FAM241A: variants seen among roughly 807,000 people sequenced by gnomAD.
The protein encoded by FAM241A is family with sequence similarity 241 member A.
In FAM241A, 7 loss-of-function variants were observed where a neutral mutation model predicts 12.2. The observed-to-expected ratio is 0.58, with a 90% CI of 0.33 to 1.08. The LOEUF (loss-of-function observed/expected upper bound fraction) is 1.08. Among genes scored for constraint, FAM241A ranks in the 50% least tolerant of loss-of-function variants. FAM241A has a pLI of 0.04. For synonymous variants in FAM241A, 74 were observed against 68.2 expected, an observed-to-expected ratio of 1.08 and a Z score of -0.42; for missense variants, 161 against 169.7, an observed-to-expected ratio of 0.95 and a Z score of 0.29.
At chr4:112,175,471 GA>G (rs1723800563) in intron 1 of FAM241A, among the ~76,000 whole-genome samples, 1 of 152,102 alleles carries the variant, frequency 6.6e-6, no homozygotes, top group African/African-American at 2.4e-5. Context: ...ACGTTCCCAA[GA>G]AAATGAAATG....
At position 112,195,174 on chromosome 4, in the gene FAM241A, A is replaced by G. The variant is rs1578384233; in HGVS notation, c.*8236A>G. 1 of 152,236 alleles carries G rather than the reference A, an allele frequency of 6.6e-6. No homozygotes were observed. Among genetic ancestry groups the G allele is most frequent in the Admixed American group, 6.5e-5 (1 of 15,282 alleles). The allele number at this position is 152,236 out of a possible 1,614,324, so 9.4% of individuals were successfully genotyped here. On this transcript the variant is annotated 3_prime_UTR_variant, in exon 2 of 2. Transcript: ENST00000309733. Reference sequence around the variant, plus strand: ...GGCTCCAGAAGAAATCCACTATTACAGTGTCCTAGTAGCCCAGACATATGT... The same window carrying G: ...GGCTCCAGAAGAAATCCACTATTACGGTGTCCTAGTAGCCCAGACATATGT...
intron 1 of FAM241A, among the ~76,000 whole-genome samples, chr4:112,148,702 C>G (rs922654032): frequency 6.6e-6 from 1 of 152,130 alleles, no homozygotes; most frequent in African/African-American, 2.4e-5. Flanking sequence ...CACAGCTATT[C>G]CATATATGTG....
chr4:112,181,063 G>A (rs1240616791), intron 1 of FAM241A, among the ~76,000 whole-genome samples: 1 of 152,138 alleles, frequency 6.6e-6, no homozygotes, highest in Non-Finnish European at 1.5e-5. Flanking sequence ...TTGTTCCAAA[G>A]TGGATCACAT....
At chr4:112,165,654 C>G (rs1421560139) in intron 1 of FAM241A, among the ~76,000 whole-genome samples, 1 of 152,140 alleles carries the variant, frequency 6.6e-6, no homozygotes, top group African/African-American at 2.4e-5. Flanking sequence ...AAGCCAGGCA[C>G]AGGAAGACAA....
intron 1 of FAM241A, among the ~76,000 whole-genome samples, chr4:112,173,753 T>C (rs1173095865): frequency 2.0e-5 from 3 of 152,146 alleles, no homozygotes; most frequent in Non-Finnish European, 4.4e-5. Flanking sequence ...TCCAGAGAAC[T>C]AGCTACCTAC....
At chr4:112,182,147 G>T (rs1278726313) in intron 1 of FAM241A, among the ~76,000 whole-genome samples, 1 of 152,146 alleles carries the variant, frequency 6.6e-6, no homozygotes, top group African/African-American at 2.4e-5. Flanking sequence ...AGGGGGTCAA[G>T]AATGCCTTAG....
Position 112,186,726 on chromosome 4 carries a change from C to A in FAM241A, c.187C>A (p.Pro63Thr), listed in dbSNP as rs1469564971. 31 of 1,612,532 alleles carry A rather than the reference C, an allele frequency of 1.9e-5. No individual in the cohort carries two copies. The highest frequency in any genetic ancestry group is 2.5e-5 in the Non-Finnish European group (30 of 1,179,614). Residue 63 changes from proline (P) to threonine (T), a missense_variant, in exon 2 of 2, where the codon CCG becomes ACG. By Grantham distance (38) the Pro-to-Thr change is conservative. Transcript: ENST00000309733. ...AGACTCACAGAACCACACTGGTGAGCCGGTTGGAGATGACTACAAGAAAAT... is the reference window on the plus strand; with the variant it reads ...AGACTCACAGAACCACACTGGTGAGACGGTTGGAGATGACTACAAGAAAAT... ...VEDSQNHTGE[P>T]VGDDYKKMGT...
chr4:112,186,129 G>C (rs1304513852), intron 1 of FAM241A, among the ~76,000 whole-genome samples: 1 of 151,998 alleles, frequency 6.6e-6, no homozygotes, highest in Non-Finnish European at 1.5e-5. Flanking sequence ...TAACTACTGG[G>C]TAGACATTTG....
At chr4:112,182,074 G>A (rs1723952436) in intron 1 of FAM241A, among the ~76,000 whole-genome samples, 1 of 152,132 alleles carries the variant, frequency 6.6e-6, no homozygotes, top group East Asian at 1.9e-4. Context: ...GAAATACTTA[G>A]AAGGTAAAAC....
intron 1 of FAM241A, among the ~76,000 whole-genome samples, chr4:112,185,336 C>T (rs945345400): frequency 9.9e-5 from 15 of 152,044 alleles, no homozygotes; most frequent in Admixed American, 4.6e-4. Context: ...AAAGCATGGT[C>T]ACCAGATCAG....
Position 112,190,222 on chromosome 4 carries a change from T to C in FAM241A, c.*3284T>C, listed in dbSNP as rs1425122304. 1 of 148,722 alleles carries C rather than the reference T, an allele frequency of 6.7e-6. No individual in the cohort carries two copies. The highest frequency in any genetic ancestry group is 1.5e-5 in the Non-Finnish European group (1 of 66,950). The allele number at this position is 148,722 out of a possible 1,614,324, so 9.2% of individuals were successfully genotyped here. ...CAGTATAAGTAAAGGTCTGTTGTAA[T>C]ATAGAAAGCTCAAAATAGTCAAAGC... On this transcript the variant is annotated 3_prime_UTR_variant, in exon 2 of 2. Coordinates refer to ENST00000309733, the MANE Select transcript of FAM241A (RefSeq NM_152400.3).
intron 1 of FAM241A, among the ~76,000 whole-genome samples, chr4:112,161,112 A>G (rs980174258): frequency 6.6e-6 from 1 of 152,234 alleles, no homozygotes; most frequent in Non-Finnish European, 1.5e-5. Context: ...TTTGAAACCA[A>G]TGAGAACAAA....
chr4:112,150,322 C>G (rs1376984497), intron 1 of FAM241A, among the ~76,000 whole-genome samples: 1 of 151,984 alleles, frequency 6.6e-6, no homozygotes, highest in Non-Finnish European at 1.5e-5. Flanking sequence ...TTGGTGGTTT[C>G]TAGCTATTGG....
At chr4:112,147,252 C>G (rs182038406) in intron 1 of FAM241A, among the ~76,000 whole-genome samples, 1 of 152,176 alleles carries the variant, frequency 6.6e-6, no homozygotes, top group East Asian at 1.9e-4. Context: ...GCATACCTGC[C>G]TCCTTCATTG....
intron 1 of FAM241A, 84 bp from the exon 2 acceptor site, chr4:112,186,609 G>T: frequency 7.9e-7 from 1 of 1,266,826 alleles, no homozygotes; most frequent in Non-Finnish European, 1.1e-6. Context: ...CAGCACTTTG[G>T]AAGATGAAGA....
chr4:112,181,355 C>CTA (rs1553921490), intron 1 of FAM241A, among the ~76,000 whole-genome samples: 1 of 151,204 alleles, frequency 6.6e-6, no homozygotes, highest in African/African-American at 2.4e-5. Flanking sequence ...AGTAGAAAAT[C>CTA]TATCAAATAC....
At chr4:112,162,172 A>T (rs994945157) in intron 1 of FAM241A, among the ~76,000 whole-genome samples, 8 of 152,212 alleles carry the variant, frequency 5.3e-5, no homozygotes, top group Admixed American at 1.3e-4. Flanking sequence ...CAATAATAAG[A>T]GCTATTTATG....
At position 112,174,665 on chromosome 4, in the gene FAM241A, C is replaced by G. The variant is rs929454744; in HGVS notation, c.154-12028C>G. Among the ~76,000 whole-genome samples, 8 of 152,218 alleles carry G rather than the reference C, an allele frequency of 5.3e-5. No individual in the cohort carries two copies. The South Asian group carries it at 1.7e-3, about 32-fold the overall frequency. Reference sequence around the variant, plus strand: ...AAGGAAGGAGCCAAGAAGAGCCTTCCTGGGATCAAAGTCAACTGTGAGAAT... The same window carrying G: ...AAGGAAGGAGCCAAGAAGAGCCTTCGTGGGATCAAAGTCAACTGTGAGAAT... On this transcript the variant is annotated intron_variant, in intron 1 of 1. Coordinates refer to ENST00000309733, the MANE Select transcript of FAM241A (RefSeq NM_152400.3).
At chr4:112,145,770 T>C (rs1025363910) in intron 1 of FAM241A, 37 bp downstream of exon 1, 1 of 1,038,658 alleles carries the variant, frequency 9.6e-7, no homozygotes, top group East Asian at 5.4e-5. Context: ...AGCGGCCGGG[T>C]CGGGGGCCGC....
Sources: allele counts gnomAD v4.1 joint callset (sites outside exome capture counted in the v4.1 genomes callset), GRCh38; gene constraint gnomAD v4.1.1; transcripts MANE v1.5; gene names NCBI Gene and HGNC (gene_info 2026-07-23, HGNC 2026-07-21).